Variants in SSH2 observed in about 807,000 individuals in gnomAD.
SSH2 encodes slingshot protein phosphatase 2, also known as protein phosphatase Slingshot homolog 2.
SSH2 carries 37 observed loss-of-function variants against 135.2 expected under a neutral mutation model. That is an observed-to-expected ratio of 0.27 (90% CI 0.21 to 0.36). SSH2 has a LOEUF of 0.36. SSH2 is among the 10% of genes least tolerant of loss of function. SSH2 has a pLI of 1.00. For missense variants in SSH2, 1,408 were observed against 1,765.3 expected (o/e 0.80, Z 3.63); for synonymous variants, 628 against 646.2 (o/e 0.97, Z 0.43).
chr17:29,842,674 A>G (rs1165953436), intron 2 of SSH2, among the ~76,000 whole-genome samples: 1 of 152,204 alleles, frequency 6.6e-6, no homozygotes, highest in African/African-American at 2.4e-5. Flanking sequence ...GCTTTCTTAC[A>G]TCTTAACCTG....
At chr17:29,738,504 G>C (rs2040443718) in intron 3 of SSH2, among the ~76,000 whole-genome samples, 2 of 151,672 alleles carry the variant, frequency 1.3e-5, no homozygotes, top group Admixed American at 1.3e-4. Flanking sequence ...CCTTGAGAAA[G>C]TCTCCTAACT....
At position 29,632,809 on chromosome 17, in the gene SSH2, C is replaced by T; in HGVS notation, c.2385G>A (p.Leu795=). The T allele has an allele frequency of 1.2e-6, 2 of 1,614,168 alleles. No homozygotes were observed. Among genetic ancestry groups the T allele is most frequent in the South Asian group, 2.2e-5 (2 of 91,078 alleles). Residue 795 remains leucine, a synonymous_variant, in exon 16 of 16, where the codon CTG becomes CTA. Coordinates refer to ENST00000540801, the MANE Select transcript of SSH2 (RefSeq NM_001282129.2). ...SISQGVGQIQ[L]KGDILPNPCH... is the part of the protein sequence containing the mutation. ...ATGGGTTGGGTAAGATGTCTCCTTT[C>T]AGTTGAATCTGCCCAACTCCTTGAC...
chr17:29,684,573 A>T lies in SSH2; in HGVS notation c.469T>A (p.Ser157Thr). The change falls in exon 6 of 16, where the codon TCT becomes ACT. Residue 157 changes from serine to threonine, a missense_variant. Physicochemically the swap from Ser to Thr is moderately conservative, Grantham distance 58. Around this residue, in one of 3 missense-constraint regions of SSH2, gnomAD observed 222 missense variants for 355.6 expected, o/e 0.62. Coordinates refer to ENST00000540801, the MANE Select transcript of SSH2 (RefSeq NM_001282129.2). ...ATGGTACCACCATACCTGTCATTAG[A>T]GGAGAAATCCATTCCTAGGACGATG... ...ESIVLGMDFS[S>T]NDSSTCTMGL... The T allele has an allele frequency of 6.2e-7, 1 of 1,611,452 alleles. No homozygotes were observed. The highest frequency in any genetic ancestry group is 8.5e-7 in the Non-Finnish European group (1 of 1,178,478).
intron 1 of SSH2, among the ~76,000 whole-genome samples, chr17:29,876,065 C>T (rs1313153203): frequency 7.0e-6 from 1 of 143,468 alleles, no homozygotes; most frequent in African/African-American, 2.6e-5. Context: ...ACAGTACATA[C>T]ACAAAGCAAT....
In SSH2 at chr17:29,880,961, A is replaced by G. The variant is rs557587085; in HGVS notation, c.64-32032T>C. Among the ~76,000 whole-genome samples, 49 of 152,312 alleles carry G rather than the reference A, an allele frequency of 3.2e-4. No homozygotes were observed. In the South Asian group the frequency reaches 0.01, roughly 32 times the overall value. ...CCTTGAGCCCAAAGGACCAAACAGC[A>G]TATCCCACAACAATTCATTTATGGC... On this transcript the variant is annotated intron_variant, in intron 1 of 15. Coordinates refer to ENST00000540801, the MANE Select transcript of SSH2 (RefSeq NM_001282129.2).
At chr17:29,684,180 T>C (rs527253399) in intron 6 of SSH2, among the ~76,000 whole-genome samples, 1 of 152,216 alleles carries the variant, frequency 6.6e-6, no homozygotes, top group South Asian at 2.1e-4. Context: ...CAAGATATTT[T>C]TGTGATAAAA....
chr17:29,632,161 C>T lies in SSH2; in HGVS notation c.3033G>A (p.Leu1011=). 3 of 1,614,032 alleles carry T rather than the reference C, an allele frequency of 1.9e-6. No individual in the cohort carries two copies. The highest frequency in any genetic ancestry group is 1.3e-5 in the African/African-American group (1 of 75,022). ...SDTGTQQEGV[L]KDLRTVIPYQ... ...ATGGAATCACAGTCCTCAGATCCTT[C>T]AGGACTCCTTCCTGCTGTGTTCCAG... Residue 1011 remains leucine, a synonymous_variant, in exon 16 of 16, where the codon CTG becomes CTA. Transcript: ENST00000540801.
At chr17:29,890,787 C>G (rs1267381639) in intron 1 of SSH2, among the ~76,000 whole-genome samples, 2 of 151,980 alleles carry the variant, frequency 1.3e-5, no homozygotes, top group Non-Finnish European at 2.9e-5. Flanking sequence ...TAAAGCTGTT[C>G]GCTCTGTCAC....
intron 1 of SSH2, among the ~76,000 whole-genome samples, chr17:29,893,729 T>C (rs976996862): frequency 6.6e-6 from 1 of 152,182 alleles, no homozygotes; most frequent in African/African-American, 2.4e-5. Flanking sequence ...TAAAGTTAAG[T>C]ATTTTTCTTT....
chr17:29,636,140 G>T lies in SSH2; in HGVS notation c.2090C>A (p.Ser697Tyr). 1.2e-6 allele frequency: 2 copies of T among 1,614,184 alleles called. No homozygotes were observed. The highest frequency in any genetic ancestry group is 3.3e-5 in the Admixed American group (2 of 60,024). Residue 697 changes from serine to tyrosine, a missense_variant, in exon 15 of 16, where the codon TCT becomes TAT. Around this residue, in one of 3 missense-constraint regions of SSH2, gnomAD observed 1,080 missense variants for 1,144.5 expected, o/e 0.94. Transcript: ENST00000540801. ...TTCCTCCATCCTTGAATGGGAAAAA[G>T]ATCGTGACCGGGTTTCTTGGGAGAG... is the stretch of plus-strand genomic sequence containing the variant. ...VELSQETRSR[S>Y]FSHSRMEELG...
intron 11 of SSH2, among the ~76,000 whole-genome samples, chr17:29,665,799 C>T (rs1039948661): frequency 1.3e-5 from 2 of 152,202 alleles, no homozygotes; most frequent in African/African-American, 4.8e-5. Flanking sequence ...ATCTACCTGT[C>T]AGAGAGGTCT....
chr17:29,854,884 T>C (rs1002587588), intron 1 of SSH2, among the ~76,000 whole-genome samples: 8 of 151,542 alleles, frequency 5.3e-5, no homozygotes, highest in Admixed American at 1.3e-4. Context: ...GAGGCAGAGG[T>C]TGCAGTGAGC....
intron 1 of SSH2, among the ~76,000 whole-genome samples, chr17:29,888,535 TA>T (rs2066283403): frequency 6.6e-6 from 1 of 152,118 alleles, no homozygotes; most frequent in African/African-American, 2.4e-5. Context: ...CGTATAAGTG[TA>T]AAGCAAAAAC....
chr17:29,823,184 A>G (rs1217802290), intron 2 of SSH2, among the ~76,000 whole-genome samples: 1 of 152,200 alleles, frequency 6.6e-6, no homozygotes, highest in Non-Finnish European at 1.5e-5. Context: ...CTTTAATCAG[A>G]GATGTCTTTG....
intron 3 of SSH2, among the ~76,000 whole-genome samples, chr17:29,704,841 TGAAAG>T (rs764333657): frequency 1.3e-5 from 2 of 152,050 alleles, no homozygotes; most frequent in South Asian, 4.1e-4. Context: ...TCACAGAATC[TGAAAG>T]GACAGAACTT....
At chr17:29,926,525 G>A (rs1035123471) in intron 1 of SSH2, among the ~76,000 whole-genome samples, 1 of 150,246 alleles carries the variant, frequency 6.7e-6, no homozygotes, top group Non-Finnish European at 1.5e-5. Flanking sequence ...CTGCACTCCA[G>A]CCTGAATGGC....
intron 11 of SSH2, among the ~76,000 whole-genome samples, chr17:29,662,734 TATTA>T (rs2037102507): frequency 6.6e-6 from 1 of 152,180 alleles, no homozygotes; most frequent in Non-Finnish European, 1.5e-5. Flanking sequence ...ATCACCCAGG[TATTA>T]AGCCTAGTAC....
chr17:29,821,835 G>A (rs547234899), intron 2 of SSH2, among the ~76,000 whole-genome samples: 11 of 152,088 alleles, frequency 7.2e-5, no homozygotes, highest in East Asian at 1.9e-4. Context: ...TAGTAGAGAC[G>A]GGGTTTCACT....
At chr17:29,661,061 CAAA>C (rs374216221) in intron 11 of SSH2, among the ~76,000 whole-genome samples, 2 of 48,326 alleles carry the variant, frequency 4.1e-5, no homozygotes. Context: ...AATTCCATCT[CAAA>C]AAAAAAAAAA....
Sources: allele counts gnomAD v4.1 joint callset (sites outside exome capture counted in the v4.1 genomes callset), GRCh38; gene constraint gnomAD v4.1.1; regional missense constraint gnomAD v4.1.1; transcripts MANE v1.5; gene names NCBI Gene and HGNC (gene_info 2026-07-23, HGNC 2026-07-21).